The following KCNK10 variants were observed in gnomAD, a reference collection of about 807,000 sequenced individuals.
KCNK10 encodes the protein potassium two pore domain channel subfamily K member 10.
KCNK10 carries 25 observed loss-of-function variants against 47.7 expected under a neutral mutation model. The ratio of observed to expected loss-of-function variants is 0.52; its 90% confidence interval spans 0.38 to 0.73. The LOEUF (loss-of-function observed/expected upper bound fraction) is 0.73, where lower values mean the gene tolerates loss of function less well. KCNK10 is among the 30% of genes least tolerant of loss of function. The probability of loss-of-function intolerance (pLI) is 0.00; values close to 1 mark genes in which losing one functional copy is unlikely to be tolerated. For missense variants in KCNK10, 563 were observed against 714.5 expected, an observed-to-expected ratio of 0.79 and a Z score of 2.42; for synonymous variants, 303 against 285.6, an observed-to-expected ratio of 1.06 and a Z score of -0.61.
intron 2 of KCNK10, among the ~76,000 whole-genome samples, chr14:88,250,709 T>C (rs1419752855): frequency 6.6e-6 from 1 of 152,130 alleles, no homozygotes; most frequent in Non-Finnish European, 1.5e-5. Context: ...AATCTGCTCA[T>C]GCATAAAGAA....
intron 3 of KCNK10, among the ~76,000 whole-genome samples, chr14:88,232,722 A>G (rs1886189801): frequency 6.6e-6 from 1 of 152,256 alleles, no homozygotes; most frequent in South Asian, 2.1e-4. Context: ...TAGTGTTAAC[A>G]CTGTACAATG....
chr14:88,263,483 C>A lies in KCNK10; in HGVS notation c.121G>T (p.Ala41Ser), dbSNP rs760596121. The A allele has an allele frequency of 8.1e-6, 13 of 1,613,742 alleles. No homozygotes were observed. In the Admixed American group the frequency reaches 1.2e-4, roughly 14 times the overall value. Residue 41 changes from alanine to serine, a missense_variant, in exon 2 of 7, where the codon GCT (alanine) becomes TCT (serine). Ala to Ser is a moderately conservative substitution (Grantham distance 99). Coordinates refer to ENST00000319231, the MANE Select transcript of KCNK10 (RefSeq NM_138317.3). ...SATNGQPPAP[A>S]PTPTPRLSIS... ...GACAGGCGCGGAGTTGGAGTCGGAG[C>A]CGGAGCCGGGGGTTGCCCGTTAGTG...
chr14:88,240,604 C>T (rs1423503119), intron 3 of KCNK10, 99 bp downstream of exon 3: 2 of 754,850 alleles, frequency 2.6e-6, no homozygotes, highest in Non-Finnish European at 2.3e-6. Context: ...CTCCTCTGAA[C>T]CTCAAACTAT....
intron 2 of KCNK10, among the ~76,000 whole-genome samples, chr14:88,243,648 C>T (rs1250286095): frequency 1.3e-5 from 2 of 151,880 alleles, no homozygotes; most frequent in African/African-American, 4.8e-5. Context: ...AGAGATGAGT[C>T]GCTCTGTGTT....
chr14:88,309,530 A>C (rs1888268638), intron 1 of KCNK10, among the ~76,000 whole-genome samples: 1 of 152,220 alleles, frequency 6.6e-6, no homozygotes, highest in Admixed American at 6.5e-5. Flanking sequence ...TGAGCCCAGG[A>C]GATCGAGGCT....
rs187695813 is a variant in KCNK10, at chr14:88,188,945, G to A, written c.869-836C>T. On this transcript the variant is annotated intron_variant, in intron 5 of 6. Coordinates refer to ENST00000319231, the MANE Select transcript of KCNK10 (RefSeq NM_138317.3). ...AAACAGGTTGCAAGCCCAACCCACC[G>A]TCCTAAAGAAGTGAGGAAGCTCCTG... Among the ~76,000 whole-genome samples the A allele has an allele frequency of 3.1e-4, 47 of 152,272 alleles. No homozygotes were observed. The East Asian group carries it at 7.5e-3, about 24-fold the overall frequency.
intron 1 of KCNK10, among the ~76,000 whole-genome samples, chr14:88,314,808 A>G (rs1390648727): frequency 6.6e-6 from 1 of 152,228 alleles, no homozygotes; most frequent in Non-Finnish European, 1.5e-5. Flanking sequence ...GCATTCTTCT[A>G]AGAGCTTTGC....
chr14:88,207,396 G>T (rs192743157), intron 4 of KCNK10, among the ~76,000 whole-genome samples: 1 of 151,936 alleles, frequency 6.6e-6, no homozygotes, highest in Non-Finnish European at 1.5e-5. Context: ...GGATGGTCTC[G>T]ATCTCCTGAC....
chr14:88,261,041 G>A (rs1246851368), intron 2 of KCNK10, among the ~76,000 whole-genome samples: 1 of 152,170 alleles, frequency 6.6e-6, no homozygotes, highest in Non-Finnish European at 1.5e-5. Flanking sequence ...CAAATGCATG[G>A]ATAAGCTCAG....
chr14:88,182,947 A>T lies in KCNK10; in HGVS notation c.*2588T>A, dbSNP rs1884419590. On this transcript the variant is annotated 3_prime_UTR_variant, in exon 7 of 7. Transcript: ENST00000319231. ...AGGTGTCTGCAGGGGCAACCCTTTGAGCCATGTTTACACAAAGACCTTGTG... is the reference window on the plus strand; with the variant it reads ...AGGTGTCTGCAGGGGCAACCCTTTGTGCCATGTTTACACAAAGACCTTGTG... 1 of 152,326 alleles carries T rather than the reference A, an allele frequency of 6.6e-6. No individual in the cohort carries two copies. Among genetic ancestry groups the T allele is most frequent in the South Asian group, 2.1e-4 (1 of 4,822 alleles). The allele number at this position is 152,326 out of a possible 1,614,324, so 9.4% of individuals were successfully genotyped here. A position where few individuals can be genotyped will look rare whatever the true frequency, so the allele number is the denominator to read the frequency against.
At chr14:88,317,840 A>G (rs1247951637) in intron 1 of KCNK10, among the ~76,000 whole-genome samples, 1 of 152,166 alleles carries the variant, frequency 6.6e-6, no homozygotes, top group East Asian at 1.9e-4. Flanking sequence ...ATTTTGCATT[A>G]AAGTGTGCAC....
At chr14:88,301,061 A>G (rs1888082560) in intron 1 of KCNK10, among the ~76,000 whole-genome samples, 1 of 152,186 alleles carries the variant, frequency 6.6e-6, no homozygotes, top group African/African-American at 2.4e-5. Flanking sequence ...TCACATAGCA[A>G]ACATTAATCG....
chr14:88,281,843 TG>T (rs1318795994), intron 1 of KCNK10, among the ~76,000 whole-genome samples: 1 of 151,656 alleles, frequency 6.6e-6, no homozygotes, highest in African/African-American at 2.4e-5. Flanking sequence ...TGTGTGTGTG[TG>T]TGTGTGTGTG....
At chr14:88,316,385 G>T (rs776669294) in intron 1 of KCNK10, among the ~76,000 whole-genome samples, 1 of 152,136 alleles carries the variant, frequency 6.6e-6, no homozygotes, top group Non-Finnish European at 1.5e-5. Context: ...GTAAATATGA[G>T]GTCTTTATTT....
At position 88,180,548 on chromosome 14, in the gene KCNK10, G is replaced by C. The variant is rs1884311725; in HGVS notation, c.*4987C>G. 1 of 364,536 alleles carries C rather than the reference G, an allele frequency of 2.7e-6. No individual in the cohort carries two copies. Among genetic ancestry groups the C allele is most frequent in the East Asian group, 4.0e-5 (1 of 25,174 alleles). 22.6% of individuals were successfully genotyped at this position (364,536 alleles called of 1,614,324 possible). A position where few individuals can be genotyped will look rare whatever the true frequency, so the allele number is the denominator to read the frequency against. On this transcript the variant is annotated 3_prime_UTR_variant, in exon 7 of 7. Coordinates refer to ENST00000319231, the MANE Select transcript of KCNK10 (RefSeq NM_138317.3). Reference sequence around the variant, plus strand: ...TAGGTCTGCTGAATCGACGGAGCAGGAGTCCTCTCAAAATAATTTATTTTA... The same window carrying C: ...TAGGTCTGCTGAATCGACGGAGCAGCAGTCCTCTCAAAATAATTTATTTTA...
Position 88,289,734 on chromosome 14 carries a change from A to C in KCNK10, c.53-26183T>G, listed in dbSNP as rs115133594. ...CTTAGCTCTGTGGCCTTGAGAAAAA[A>C]TACTTAAGCTCTCTAAGCCTCAGTG... On this transcript the variant is annotated intron_variant, in intron 1 of 6. Transcript: ENST00000319231. Among the ~76,000 whole-genome samples, 735 of 152,352 alleles carry C rather than the reference A, an allele frequency of 4.8e-3. 5 individuals carry two copies. Among genetic ancestry groups the C allele is most frequent in the African/African-American group, 0.017 (692 of 41,580 alleles).
chr14:88,204,805 G>A (rs908607454), intron 4 of KCNK10, among the ~76,000 whole-genome samples: 8 of 151,856 alleles, frequency 5.3e-5, no homozygotes, highest in Non-Finnish European at 1.2e-4. Flanking sequence ...TATAGCCCCC[G>A]CCCCAAACAT....
chr14:88,322,835 C>A lies in KCNK10; in HGVS notation c.-37G>T. 1.2e-6 allele frequency: 2 copies of A among 1,614,062 alleles called. No homozygotes were observed. The highest frequency in any genetic ancestry group is 1.7e-6 in the Non-Finnish European group (2 of 1,179,956). On this transcript the variant is annotated 5_prime_UTR_variant, in exon 1 of 7. Transcript: ENST00000319231. The surrounding 1 kb of genome is among the most constrained non-coding windows in gnomAD (Gnocchi z 4.8). ...CCAGAAGGGGAAGAAATGAAAAGAA[C>A]CCAAATAATAATAAAGTCCTCAAGC...
chr14:88,234,184 G>T (rs775923241), intron 3 of KCNK10, among the ~76,000 whole-genome samples: 10 of 152,156 alleles, frequency 6.6e-5, no homozygotes, highest in African/African-American at 1.9e-4. Flanking sequence ...TTTGTTGGAC[G>T]CTGTGAGTCT....
Sources: allele counts gnomAD v4.1 joint callset (sites outside exome capture counted in the v4.1 genomes callset), GRCh38; gene constraint gnomAD v4.1.1; non-coding constraint Gnocchi (gnomAD v3.1); transcripts MANE v1.5; gene names NCBI Gene and HGNC (gene_info 2026-07-23, HGNC 2026-07-21).